The following LRRC4B variants were observed in gnomAD, a reference collection of about 807,000 sequenced individuals.
LRRC4B encodes the protein leucine-rich repeat-containing protein 4B.
LRRC4B carries 1 observed loss-of-function variant against 7.3 expected under a neutral mutation model. That is an observed-to-expected ratio of 0.14 (90% CI 0.05 to 0.65). LRRC4B has a LOEUF of 0.65. Ranked by LOEUF, LRRC4B falls within the 30% of genes least tolerant of loss-of-function variation. LRRC4B has a pLI of 0.84. For missense variants in LRRC4B, 730 were observed against 1,041.6 expected (o/e 0.70, Z 4.12); for synonymous variants, 500 against 499.2 (o/e 1.00, Z -0.02).
At chr19:50,558,989 C>T (rs1982374857) in intron 1 of LRRC4B, among the ~76,000 whole-genome samples, 1 of 152,228 alleles carries the variant, frequency 6.6e-6, no homozygotes, top group Non-Finnish European at 1.5e-5. Flanking sequence ...TGCAAGAGCT[C>T]ATTCAGTCCC....
At chr19:50,565,623 C>CT (rs1210589772) in intron 1 of LRRC4B, among the ~76,000 whole-genome samples, 1 of 151,980 alleles carries the variant, frequency 6.6e-6, no homozygotes, top group Non-Finnish European at 1.5e-5. Context: ...CTCCCACTCT[C>CT]TGTCGCTGAC....
intron 1 of LRRC4B, chr19:50,557,891 G>A (rs1447304057): frequency 1.3e-5 from 2 of 152,136 alleles, no homozygotes; most frequent in African/African-American, 4.8e-5. Context: ...TACTCAACGT[G>A]AAGACAATCA....
intron 2 of LRRC4B, among the ~76,000 whole-genome samples, chr19:50,531,434 C>T (rs1458934254): frequency 6.6e-6 from 1 of 152,186 alleles, no homozygotes; most frequent in Non-Finnish European, 1.5e-5. Flanking sequence ...CGCAGTGACC[C>T]AGCTGCAGAG....
rs756477175 is a variant in LRRC4B, at chr19:50,533,487, ATTC to A, written c.298-14075_298-14073del. ...TAATACAAATACCAAAGACCAGTTC[ATTC>A]TTCTCTTCTCCTCCCAAATAATACA... On this transcript the variant is annotated intron_variant, in intron 2 of 2. Coordinates refer to ENST00000652263, the MANE Select transcript of LRRC4B (RefSeq NM_001080457.2). Among the ~76,000 whole-genome samples, 124 of 152,254 alleles carry A rather than the reference ATTC, an allele frequency of 8.1e-4. 3 individuals carry two copies. The highest frequency in any genetic ancestry group is 6.8e-3 in the Middle Eastern group (2 of 294).
rs751933672 is a variant in LRRC4B, at chr19:50,548,699, G to A, written c.140C>T (p.Ala47Val). 11 of 1,545,752 alleles carry A rather than the reference G, an allele frequency of 7.1e-6. No homozygotes were observed. The highest frequency in any genetic ancestry group is 9.6e-6 in the Non-Finnish European group (11 of 1,149,458). ...GGTGGCCGGCGGGGAGCCCCCTCCG[G>A]CGGCAGACGTCACGGCCACTCCACC... ...GGGGVAVTSAAGGGSPPATSC... is the reference protein window; with the variant it reads ...GGGGVAVTSAVGGGSPPATSC... The change falls in exon 2 of 3, where the codon GCC becomes GTC. Residue 47 changes from alanine (A) to valine (V), a missense_variant. Physicochemically the swap from Ala to Val is moderately conservative, Grantham distance 64. Around this residue, in one of 6 missense-constraint regions of LRRC4B, gnomAD observed 143 missense variants for 158.4 expected, o/e 0.90. Transcript: ENST00000652263. The surrounding 1 kb of genome is among the most constrained non-coding windows in gnomAD (Gnocchi z 6.8).
chr19:50,545,408 CAAAAAAAAAAA>C, intron 2 of LRRC4B, among the ~76,000 whole-genome samples: 1 of 78,748 alleles, frequency 1.3e-5, no homozygotes, highest in African/African-American at 4.9e-5. Flanking sequence ...AACTCCATCT[CAAAAAAAAAAA>C]AAAAAAAAAG....
chr19:50,565,992 C>G (rs1982616122), intron 1 of LRRC4B, among the ~76,000 whole-genome samples: 1 of 152,178 alleles, frequency 6.6e-6, no homozygotes, highest in Non-Finnish European at 1.5e-5. Context: ...TCTCTCCCCG[C>G]CTTTCGGCGG....
chr19:50,533,864 C>T (rs756335741), intron 2 of LRRC4B, among the ~76,000 whole-genome samples: 47 of 152,130 alleles, frequency 3.1e-4, no homozygotes, highest in Non-Finnish European at 5.7e-4. Flanking sequence ...AGTCACTTGT[C>T]CCCAGTCTCA....
chr19:50,540,796 C>T (rs565683245), intron 2 of LRRC4B, among the ~76,000 whole-genome samples: 133 of 151,770 alleles, frequency 8.8e-4, no homozygotes, highest in Non-Finnish European at 1.5e-3. Context: ...CATCTAGTTG[C>T]AGGAAAACAA....
Position 50,517,789 on chromosome 19 carries a change from C to A in LRRC4B, c.1924G>T (p.Gly642Cys). The A allele has an allele frequency of 6.5e-7, 1 of 1,531,562 alleles. No individual in the cohort carries two copies. Among genetic ancestry groups the A allele is most frequent in the East Asian group, 2.3e-5 (1 of 42,878 alleles). 94.9% of individuals were successfully genotyped at this position (1,531,562 alleles called of 1,614,324 possible). A position where few individuals can be genotyped will look rare whatever the true frequency, so the allele number is the denominator to read the frequency against. ...AGGTGGCTGTCCCCGCCCACACCAC[C>A]CCCACTGGCCACGGCGGCCGCGGCG... ...VAAAAAVASG[G>C]GVGGDSHLAL... Residue 642 changes from glycine (G) to cysteine (C), a missense_variant, in exon 3 of 3, where the codon GGT becomes TGT. By Grantham distance (159) the Gly-to-Cys change is radical. Coordinates refer to ENST00000652263, the MANE Select transcript of LRRC4B (RefSeq NM_001080457.2). This position sits in a 1 kb window ranked among gnomAD's most constrained non-coding sequence, Gnocchi z 6.6.
chr19:50,520,550 A>G (rs1184023909), intron 2 of LRRC4B, among the ~76,000 whole-genome samples: 2 of 152,086 alleles, frequency 1.3e-5, no homozygotes, highest in African/African-American at 4.8e-5. Context: ...GAATCACTTG[A>G]ACCTGGGAGG....
chr19:50,542,316 G>C (rs940334070), intron 2 of LRRC4B, among the ~76,000 whole-genome samples: 1 of 152,116 alleles, frequency 6.6e-6, no homozygotes, highest in Non-Finnish European at 1.5e-5. Context: ...ATCTGCACCC[G>C]GTCTTCTCCC....
intron 2 of LRRC4B, among the ~76,000 whole-genome samples, chr19:50,543,235 C>T (rs932084558): frequency 6.6e-6 from 1 of 152,120 alleles, no homozygotes; most frequent in Non-Finnish European, 1.5e-5. Context: ...GGTGGCAGCG[C>T]GGCGGGGGAC....
intron 1 of LRRC4B, among the ~76,000 whole-genome samples, chr19:50,551,818 G>C (rs1982078894): frequency 6.6e-6 from 1 of 151,362 alleles, no homozygotes; most frequent in Admixed American, 6.6e-5. Flanking sequence ...ACAATTTCTA[G>C]TCACACGGCA....
At chr19:50,547,754 G>C (rs1000789800) in intron 2 of LRRC4B, among the ~76,000 whole-genome samples, 2 of 150,852 alleles carry the variant, frequency 1.3e-5, no homozygotes, top group African/African-American at 4.9e-5. Context: ...ATGTCAATAG[G>C]GCAGAGGTTG....
Position 50,556,801 on chromosome 19 carries a change from G to C in LRRC4B, c.-35-7928C>G, listed in dbSNP as rs950181589. On this transcript the variant is annotated intron_variant, in intron 1 of 2. Transcript: ENST00000652263. The surrounding 1 kb of genome is among the most constrained non-coding windows in gnomAD (Gnocchi z 4.2). ...GCTGGCACCCGAGGCAAGGAGCCCT[G>C]GGTCTCTAGGGAGGCAAGTGTGGGG... 6.6e-6 allele frequency among the ~76,000 whole-genome samples: 1 copy of C among 152,152 alleles called. No individual in the cohort carries two copies. The highest frequency in any genetic ancestry group is 1.5e-5 in the Non-Finnish European group (1 of 67,992).
intron 2 of LRRC4B, among the ~76,000 whole-genome samples, chr19:50,544,746 G>A (rs1351589043): frequency 6.6e-6 from 1 of 151,808 alleles, no homozygotes; most frequent in African/African-American, 2.4e-5. Flanking sequence ...TATTCATTCT[G>A]TAATAAGTAA....
intron 2 of LRRC4B, among the ~76,000 whole-genome samples, chr19:50,539,550 T>C (rs1394071339): frequency 1.3e-5 from 2 of 151,946 alleles, no homozygotes; most frequent in Non-Finnish European, 2.9e-5. Flanking sequence ...CCAGCTTGCA[T>C]AGGATTTTAT....
chr19:50,547,664 G>C (rs963033285), intron 2 of LRRC4B, among the ~76,000 whole-genome samples: 1 of 148,070 alleles, frequency 6.8e-6, no homozygotes, highest in African/African-American at 2.5e-5. Context: ...CTAGTGGCCG[G>C]AAATGCTGGT....
Sources: allele counts gnomAD v4.1 joint callset (sites outside exome capture counted in the v4.1 genomes callset), GRCh38; gene constraint gnomAD v4.1.1; regional missense constraint gnomAD v4.1.1; non-coding constraint Gnocchi (gnomAD v3.1); transcripts MANE v1.5; gene names NCBI Gene and HGNC (gene_info 2026-07-23, HGNC 2026-07-21).